DPP6: variants seen among roughly 807,000 people sequenced by gnomAD.
DPP6 encodes the protein dipeptidyl peptidase like 6.
DPP6 carries 69 observed loss-of-function variants against 122.6 expected under a neutral mutation model. The ratio of observed to expected loss-of-function variants is 0.56; its 90% CI spans 0.46 to 0.69. The LOEUF is 0.69. DPP6 is among the 30% of genes least tolerant of loss of function. The pLI, the probability that DPP6 is intolerant of heterozygous loss-of-function variation, is 0.00. For synonymous variants in DPP6, 418 were observed against 433.1 expected, an observed-to-expected ratio of 0.97 and a Z score of 0.43; for missense variants, 928 against 1,116.9, an observed-to-expected ratio of 0.83 and a Z score of 2.41.
chr7:154,138,297 A>G (rs1795680129), intron 1 of DPP6, among the ~76,000 whole-genome samples: 1 of 152,336 alleles, frequency 6.6e-6, no homozygotes, highest in African/African-American at 2.4e-5. Context: ...TGTAAAGTAG[A>G]CACTTAATTC....
At chr7:153,884,987 AATATAT>A (rs56329841), upstream of DPP6, among the ~76,000 whole-genome samples, 740 of 116,426 alleles carry the variant, frequency 6.4e-3, 18 homozygotes, top group East Asian at 0.014. Flanking sequence ...TCAAAACAAA[AATATAT>A]ATATATATAT....
chr7:154,829,700 A>G (rs1800478631), intron 16 of DPP6, among the ~76,000 whole-genome samples: 1 of 152,170 alleles, frequency 6.6e-6, no homozygotes, highest in South Asian at 2.1e-4. Flanking sequence ...CATCAGTCTC[A>G]GCCAGATGGG....
At chr7:154,370,135 A>C (rs1018531598) in intron 1 of DPP6, among the ~76,000 whole-genome samples, 1 of 151,270 alleles carries the variant, frequency 6.6e-6, no homozygotes, top group African/African-American at 2.4e-5. Flanking sequence ...GGAACCCACC[A>C]TCATGCCCAG....
At chr7:154,531,743 A>G (rs904065935) in intron 3 of DPP6, among the ~76,000 whole-genome samples, 11 of 152,290 alleles carry the variant, frequency 7.2e-5, no homozygotes, top group African/African-American at 2.6e-4. Flanking sequence ...TGTTGATGTA[A>G]TACACATAAC....
intron 1 of DPP6, among the ~76,000 whole-genome samples, chr7:154,285,851 G>A (rs936847885): frequency 6.6e-6 from 1 of 152,194 alleles, no homozygotes; most frequent in Non-Finnish European, 1.5e-5. Context: ...AATCTGAAAA[G>A]AGATAGCAAT....
chr7:154,364,010 T>C (rs1422037221), intron 1 of DPP6, among the ~76,000 whole-genome samples: 6 of 152,164 alleles, frequency 3.9e-5, no homozygotes, highest in Non-Finnish European at 7.3e-5. Context: ...GGGGAGTGTG[T>C]TGTCTGTCCA....
At chr7:154,271,926 T>G (rs1331826264) in intron 1 of DPP6, among the ~76,000 whole-genome samples, 1 of 152,218 alleles carries the variant, frequency 6.6e-6, no homozygotes, top group Non-Finnish European at 1.5e-5. Flanking sequence ...ATAGAAAGAT[T>G]TATGAATGAG....
chr7:154,885,900 G>C (rs1018295411), intron 22 of DPP6, among the ~76,000 whole-genome samples, 156 bp downstream of exon 22: 1 of 151,676 alleles, frequency 6.6e-6, no homozygotes, highest in Non-Finnish European at 1.5e-5. Flanking sequence ...GGAAGAACCC[G>C]GGGAAGGAGA....
At chr7:153,881,061 G>T in the DPP6 span, among the ~76,000 whole-genome samples, 2 of 152,054 alleles carry the variant, frequency 1.3e-5, no homozygotes, top group East Asian at 3.9e-4. Flanking sequence ...TTAATATGTC[G>T]ATTCTTAGTT....
intron 1 of DPP6, among the ~76,000 whole-genome samples, chr7:154,363,360 G>A (rs1861141): frequency 0.25 from 38,658 of 152,212 alleles, 10,224 homozygotes; most frequent in African/African-American, 0.68. Context: ...TTTGTCCCCA[G>A]TGCTTCAAGA....
At chr7:154,111,577 G>A (rs559007945) in intron 1 of DPP6, among the ~76,000 whole-genome samples, 1 of 151,932 alleles carries the variant, frequency 6.6e-6, no homozygotes, top group South Asian at 2.1e-4. Context: ...TCTTATCTGG[G>A]TAGTGCCAGA....
chr7:154,651,826 G>A (rs1053732548), intron 6 of DPP6, among the ~76,000 whole-genome samples: 3 of 152,116 alleles, frequency 2.0e-5, no homozygotes, highest in African/African-American at 7.2e-5. Flanking sequence ...TCCAGCTGCG[G>A]TCTGTGCCCC....
intron 1 of DPP6, among the ~76,000 whole-genome samples, chr7:154,369,965 C>CATTTATTTATTT (rs36198177): frequency 0.024 from 3,479 of 145,916 alleles, 63 homozygotes; most frequent in East Asian, 0.06. Flanking sequence ...CAGATATATG[C>CATTTATTTATTT]ATTTATTTAT....
chr7:154,463,526 CAGA>C (rs1204284017), intron 2 of DPP6, among the ~76,000 whole-genome samples: 3 of 152,080 alleles, frequency 2.0e-5, no homozygotes, highest in Non-Finnish European at 4.4e-5. Flanking sequence ...TTTTCTTAAG[CAGA>C]AGAAGTCTCT....
chr7:153,847,624 GC>G, the DPP6 span, among the ~76,000 whole-genome samples: 1 of 152,108 alleles, frequency 6.6e-6, no homozygotes, highest in Non-Finnish European at 1.5e-5. Context: ...CTTTATTGGG[GC>G]AGGCTGTAAG....
chr7:153,815,641 G>A, the DPP6 span, among the ~76,000 whole-genome samples: 4 of 151,980 alleles, frequency 2.6e-5, no homozygotes, highest in Non-Finnish European at 5.9e-5. Context: ...AACAGAAGAG[G>A]TGACACAAAC....
intron 3 of DPP6, among the ~76,000 whole-genome samples, chr7:154,523,950 A>C (rs900829344): frequency 6.6e-6 from 1 of 152,216 alleles, no homozygotes; most frequent in African/African-American, 2.4e-5. Context: ...AGCATCCATC[A>C]TTGATCCTTA....
intron 12 of DPP6, among the ~76,000 whole-genome samples, chr7:154,797,599 A>G (rs1005156473): frequency 6.6e-6 from 1 of 152,126 alleles, no homozygotes; most frequent in Non-Finnish European, 1.5e-5. Flanking sequence ...AAATAAACTC[A>G]TAGACACAGA....
chr7:154,475,296 T>C, intron 3 of DPP6: 1 of 427,946 alleles, frequency 2.3e-6, no homozygotes, highest in South Asian at 2.0e-5. Flanking sequence ...GCTGAAGACG[T>C]GTCCTTTGTG....
Sources: allele counts gnomAD v4.1 joint callset (sites outside exome capture counted in the v4.1 genomes callset), GRCh38; gene constraint gnomAD v4.1.1; transcripts MANE v1.5; gene names NCBI Gene and HGNC (gene_info 2026-07-23, HGNC 2026-07-21).